INTS2: variants seen among roughly 807,000 people sequenced by gnomAD.
INTS2 encodes KIAA1287.
Under a neutral mutation model 139.6 loss-of-function variants are expected in INTS2, and 57 were observed. That is an observed-to-expected ratio of 0.41 (90% CI 0.33 to 0.51). The LOEUF (loss-of-function observed/expected upper bound fraction) is 0.51, where lower values mean the gene tolerates loss of function less well. INTS2 is among the 20% of genes least tolerant of loss of function. INTS2 has a pLI of 0.28. For missense variants in INTS2, 1,196 were observed against 1,436.7 expected (o/e 0.83, Z 2.71); for synonymous variants, 473 against 493.4 (o/e 0.96, Z 0.55).
chr17:61,890,580 G>A (rs780567283), intron 14 of INTS2, among the ~76,000 whole-genome samples: 5 of 149,386 alleles, frequency 3.3e-5, no homozygotes, highest in East Asian at 2.0e-4. Context: ...ACTGCACTCC[G>A]GTCGGGGCAA....
At chr17:61,925,560 G>C (rs979302695) in intron 2 of INTS2, among the ~76,000 whole-genome samples, 1 of 149,422 alleles carries the variant, frequency 6.7e-6, no homozygotes, top group East Asian at 2.0e-4. Flanking sequence ...CTGGGCAACA[G>C]GGCAAGACTC....
intron 19 of INTS2, 80 bp downstream of exon 19, chr17:61,874,833 T>C: frequency 2.5e-6 from 3 of 1,189,800 alleles, no homozygotes; most frequent in Non-Finnish European, 3.3e-6. Flanking sequence ...AAAATATAAG[T>C]TTAAACTGAA....
rs572759510 is a variant in INTS2 at position 61,909,635 on chromosome 17, C to G, written c.954+1885G>C. Among the ~76,000 whole-genome samples the G allele has an allele frequency of 6.6e-6, 1 of 152,072 alleles. No homozygotes were observed. The highest frequency in any genetic ancestry group is 1.5e-5 in the Non-Finnish European group (1 of 68,026). ...GTCCATGTGTACACATGATTAGCAC[C>G]CACTCATAATTGAGAATATGCAATA... is the stretch of plus-strand genomic sequence containing the variant. On this transcript the variant is annotated intron_variant, in intron 7 of 24. Transcript: ENST00000251334. The surrounding 1 kb of genome is among the most constrained non-coding windows in gnomAD (Gnocchi z 4.9).
intron 4 of INTS2, among the ~76,000 whole-genome samples, chr17:61,921,021 G>A (rs1014714807): frequency 6.6e-6 from 1 of 152,152 alleles, no homozygotes; most frequent in South Asian, 2.1e-4. Flanking sequence ...TTGAGCTCAA[G>A]TGATCCTCCT....
Position 61,897,729 on chromosome 17 carries a change from G to A in INTS2, c.1318C>T (p.Gln440Ter). 6.2e-7 allele frequency: 1 copy of A among 1,603,670 alleles called. No individual in the cohort carries two copies. Among genetic ancestry groups the A allele is most frequent in the South Asian group, 1.1e-5 (1 of 89,286 alleles). Residue 440 changes from glutamine (Q) to a stop codon, truncating the protein, a stop_gained, in exon 10 of 25, where the codon CAG becomes TAG. Transcript: ENST00000251334. LOFTEE classifies it high-confidence loss of function. This position sits in a 1 kb window ranked among gnomAD's most constrained non-coding sequence, Gnocchi z 4.4. ...AGCCACACCACCATCAGCTGCTCCT[G>A]TTCAGGTGTACTATATAAAATATAC... ...AFSTLVSTPE[Q>*]EQLMVVWLSW...
intron 3 of INTS2, among the ~76,000 whole-genome samples, chr17:61,923,883 C>G (rs1365873242): frequency 6.6e-6 from 1 of 152,134 alleles, no homozygotes; most frequent in East Asian, 1.9e-4. Context: ...GAACTCCCAA[C>G]CTCAGGTGAT....
chr17:61,919,354 T>C (rs1437454735), intron 5 of INTS2, 46 bp downstream of exon 5: 9 of 914,324 alleles, frequency 9.8e-6, no homozygotes, highest in Non-Finnish European at 1.6e-5. Context: ...GTCCTGTACA[T>C]GTCCAAGCAA....
intron 6 of INTS2, 53 bp downstream of exon 6, chr17:61,911,887 G>A: frequency 6.4e-7 from 1 of 1,574,468 alleles, no homozygotes; most frequent in Non-Finnish European, 8.6e-7. Context: ...CTTGAGAAGA[G>A]TTCTTGGACC....
At chr17:61,880,708 C>T (rs892678532) in intron 17 of INTS2, among the ~76,000 whole-genome samples, 1 of 149,858 alleles carries the variant, frequency 6.7e-6, no homozygotes. Flanking sequence ...GCTGAGATCA[C>T]GCCACTGCAC....
In INTS2 at chr17:61,866,404, G is replaced by A. The variant is rs534136678; in HGVS notation, c.*1153C>T. The A allele has an allele frequency of 6.6e-6, 1 of 151,940 alleles. No homozygotes were observed. The highest frequency in any genetic ancestry group is 1.9e-4 in the East Asian group (1 of 5,170). 9.4% of individuals were successfully genotyped at this position (151,940 alleles called of 1,614,324 possible). On this transcript the variant is annotated 3_prime_UTR_variant, in exon 25 of 25. Transcript: ENST00000251334. ...AAGTGAAGAGGTCTGTTTCAAGTGG[G>A]GGTGGGGAAGTGTGTGATTGAGGTA...
chr17:61,876,117 ATGAT>A lies in INTS2; in HGVS notation c.2457-1083_2457-1080del, dbSNP rs2079124616. Among the ~76,000 whole-genome samples, 6 of 152,306 alleles carry A rather than the reference ATGAT, an allele frequency of 3.9e-5. No individual in the cohort carries two copies. In the South Asian group the frequency reaches 1.2e-3, roughly 32 times the overall value. On this transcript the variant is annotated intron_variant, in intron 18 of 24. Transcript: ENST00000251334. The surrounding 1 kb of genome is among the most constrained non-coding windows in gnomAD (Gnocchi z 4.1). ...CCATGAGTTGAGGTTACAGTGAACT[ATGAT>A]TGTGCCACTGCAGTCCAGCCTGGGT...
intron 5 of INTS2, among the ~76,000 whole-genome samples, chr17:61,913,466 CT>C (rs1443937117): frequency 6.6e-6 from 1 of 151,244 alleles, no homozygotes; most frequent in African/African-American, 2.4e-5. Context: ...AGAATGACAT[CT>C]TTGTTCTTTG....
At chr17:61,907,377 C>A in intron 8 of INTS2, 31 bp downstream of exon 8, 1 of 1,518,598 alleles carries the variant, frequency 6.6e-7, no homozygotes, top group Non-Finnish European at 9.0e-7. Context: ...GGTAAAATGA[C>A]AAAAAGGTAA....
At chr17:61,927,148 C>G (rs1036565548) in intron 1 of INTS2, 1 of 177,084 alleles carries the variant, frequency 5.6e-6, no homozygotes, top group South Asian at 1.2e-4. Context: ...ACATCAAGAA[C>G]TATTGGGCTT....
At position 61,927,944 on chromosome 17, in the gene INTS2, TC is replaced by T. The variant is rs1214904268; in HGVS notation, c.-310del. ...AACCTGCACCCAGCACCTTCATTCA[TC>T]CCCAGCGTCTGACTCCCGTCGGCCA... On this transcript the variant is annotated 5_prime_UTR_variant, in exon 1 of 25. Coordinates refer to ENST00000251334, the MANE Select transcript of INTS2 (RefSeq NM_001351695.2). 3 of 1,613,720 alleles carry T rather than the reference TC, an allele frequency of 1.9e-6. No individual in the cohort carries two copies.
At chr17:61,924,195 T>C (rs2079683458) in intron 3 of INTS2, among the ~76,000 whole-genome samples, 1 of 152,250 alleles carries the variant, frequency 6.6e-6, no homozygotes, top group South Asian at 2.1e-4. Context: ...AGGCTGTTAC[T>C]GCTCATCCAG....
At chr17:61,925,183 C>T in intron 2 of INTS2, 84 bp from the exon 3 acceptor site, 1 of 1,265,772 alleles carries the variant, frequency 7.9e-7, no homozygotes, top group South Asian at 1.3e-5. Context: ...TTGAAATAAG[C>T]TATAAAAGGA....
intron 3 of INTS2, among the ~76,000 whole-genome samples, chr17:61,923,904 C>T (rs947656914): frequency 2.6e-5 from 4 of 152,090 alleles, no homozygotes; most frequent in South Asian, 4.1e-4. Flanking sequence ...CCGCCCACCT[C>T]GGCCTCCCAA....
chr17:61,890,686 GA>G (rs1319593089), intron 14 of INTS2, among the ~76,000 whole-genome samples: 1 of 150,662 alleles, frequency 6.6e-6, no homozygotes, highest in African/African-American at 2.4e-5. Context: ...AACCTATGCT[GA>G]ATATCTTGAT....
Sources: gnomAD v4.1 joint callset for allele counts (sites outside exome capture counted in the v4.1 genomes callset) on GRCh38, gnomAD v4.1.1 for gene constraint, Gnocchi (gnomAD v3.1) non-coding constraint, MANE v1.5 for transcripts, NCBI Gene and HGNC (gene_info 2026-07-23, HGNC 2026-07-21) for gene names.